The following FHOD3 variants were observed in gnomAD, a reference collection of about 807,000 sequenced individuals.
FHOD3 encodes formin homology 2 domain containing 3, also known as FH1/FH2 domain-containing protein 3.
A neutral mutation model predicts 173.0 loss-of-function variants in FHOD3; 90 were observed. That is an observed-to-expected ratio of 0.52 (90% CI 0.44 to 0.62). The LOEUF is 0.62. Ranked by LOEUF, FHOD3 falls within the 20% of genes least tolerant of loss-of-function variation. FHOD3 has a pLI of 0.00. For missense variants in FHOD3, 1,945 were observed against 2,034.7 expected (o/e 0.96, Z 0.85); for synonymous variants, 828 against 823.0 (o/e 1.01, Z -0.10).
intron 1 of FHOD3, among the ~76,000 whole-genome samples, chr18:36,301,638 A>G (rs2091958834): frequency 6.6e-6 from 1 of 152,218 alleles, no homozygotes; most frequent in Admixed American, 6.5e-5. Flanking sequence ...TAATATTTTA[A>G]AAGAAAAATG....
intron 3 of FHOD3, among the ~76,000 whole-genome samples, chr18:36,499,073 TTTTTGTTTTG>T (rs149323059): frequency 0.013 from 1,955 of 151,080 alleles, 37 homozygotes; most frequent in African/African-American, 0.041. Context: ...CCTATTGCTA[TTTTTGTTTTG>T]TTTTGTTTTG....
intron 1 of FHOD3, among the ~76,000 whole-genome samples, chr18:36,335,474 G>A (rs1409886714): frequency 2.7e-5 from 4 of 147,452 alleles, no homozygotes; most frequent in Non-Finnish European, 5.9e-5. Flanking sequence ...CAGCCTGGGC[G>A]ACAGAGCGAG....
At chr18:36,404,263 G>A (rs939386678) in intron 3 of FHOD3, among the ~76,000 whole-genome samples, 1 of 152,142 alleles carries the variant, frequency 6.6e-6, no homozygotes, top group Non-Finnish European at 1.5e-5. Flanking sequence ...CCTGCTTGGG[G>A]TGTTGGTGAC....
At chr18:36,558,656 A>G (rs987784672) in intron 5 of FHOD3, among the ~76,000 whole-genome samples, 3 of 152,236 alleles carry the variant, frequency 2.0e-5, no homozygotes, top group Non-Finnish European at 4.4e-5. Context: ...GAAGGAATCT[A>G]TGTTTATCAA....
At chr18:36,407,140 C>T (rs955856438) in intron 3 of FHOD3, among the ~76,000 whole-genome samples, 1 of 152,238 alleles carries the variant, frequency 6.6e-6, no homozygotes, top group African/African-American at 2.4e-5. Flanking sequence ...AAGGACTACT[C>T]TAGTTCCCCT....
chr18:36,553,761 T>C (rs1217311586), intron 5 of FHOD3, among the ~76,000 whole-genome samples: 1 of 152,062 alleles, frequency 6.6e-6, no homozygotes, highest in Admixed American at 6.6e-5. Context: ...ATATCCAGAA[T>C]CTACAAAGAA....
chr18:36,757,542 C>G (rs2042683638), intron 25 of FHOD3, among the ~76,000 whole-genome samples: 1 of 152,166 alleles, frequency 6.6e-6, no homozygotes, highest in Non-Finnish European at 1.5e-5. Flanking sequence ...TCACGGACCC[C>G]CTGAACGTTG....
intron 17 of FHOD3, among the ~76,000 whole-genome samples, chr18:36,708,880 C>T (rs1272934647): frequency 1.3e-5 from 2 of 152,158 alleles, no homozygotes; most frequent in African/African-American, 2.4e-5. Context: ...ACCTCCATAT[C>T]GTAAGGTCAC....
At chr18:36,452,195 T>C (rs908845875) in intron 3 of FHOD3, among the ~76,000 whole-genome samples, 1 of 152,146 alleles carries the variant, frequency 6.6e-6, no homozygotes, top group African/African-American at 2.4e-5. Flanking sequence ...CTTAAGACTT[T>C]TATTTTAAAA....
intron 3 of FHOD3, among the ~76,000 whole-genome samples, chr18:36,482,316 C>T (rs989053844): frequency 1.3e-5 from 2 of 152,052 alleles, no homozygotes; most frequent in Admixed American, 6.5e-5. Flanking sequence ...GAAAAACAGA[C>T]ACGTGCTTCT....
intron 5 of FHOD3, among the ~76,000 whole-genome samples, chr18:36,530,568 G>A (rs1331164956): frequency 6.6e-6 from 1 of 152,160 alleles, no homozygotes; most frequent in Non-Finnish European, 1.5e-5. Context: ...TCACTGCTGG[G>A]TAGTATTCCG....
intron 1 of FHOD3, among the ~76,000 whole-genome samples, chr18:36,322,603 G>T (rs1223482357): frequency 1.3e-5 from 2 of 152,140 alleles, no homozygotes; most frequent in Admixed American, 6.5e-5. Flanking sequence ...GCAAGATCCA[G>T]CCAGTCATTC....
At chr18:36,516,853 G>A (rs1219148886) in intron 5 of FHOD3, among the ~76,000 whole-genome samples, 1 of 152,238 alleles carries the variant, frequency 6.6e-6, no homozygotes, top group African/African-American at 2.4e-5. Context: ...CACCTGAGGA[G>A]CTCTGCTCTG....
chr18:36,387,482 C>T (rs1029030114), intron 3 of FHOD3, among the ~76,000 whole-genome samples: 4 of 152,100 alleles, frequency 2.6e-5, no homozygotes, highest in East Asian at 1.9e-4. Context: ...TAATGTGAGA[C>T]GTTCCCAGAT....
intron 17 of FHOD3, among the ~76,000 whole-genome samples, chr18:36,700,058 T>G (rs1397019351): frequency 6.6e-6 from 1 of 152,224 alleles, no homozygotes; most frequent in Admixed American, 6.5e-5. Context: ...ATTGTTTGGT[T>G]GCAATCCTCT....
At chr18:36,732,646 C>T (rs997407283) in intron 20 of FHOD3, among the ~76,000 whole-genome samples, 17 of 152,126 alleles carry the variant, frequency 1.1e-4, no homozygotes, top group African/African-American at 3.6e-4. Context: ...CACGGCAGAC[C>T]GGAGCAGGGG....
intron 2 of FHOD3, among the ~76,000 whole-genome samples, chr18:36,367,233 G>T (rs548909533): frequency 3.9e-5 from 6 of 152,306 alleles, no homozygotes; most frequent in Admixed American, 3.3e-4. Context: ...TGTGTCCCTG[G>T]TGCGTGTGCC....
At chr18:36,413,780 AC>A (rs536619631) in intron 3 of FHOD3, among the ~76,000 whole-genome samples, 4 of 152,290 alleles carry the variant, frequency 2.6e-5, no homozygotes, top group Non-Finnish European at 5.9e-5. Context: ...TTCCATTTTA[AC>A]CATTTTAAGT....
intron 19 of FHOD3, among the ~76,000 whole-genome samples, chr18:36,729,625 G>T (rs772356771): frequency 2.0e-5 from 3 of 152,196 alleles, no homozygotes; most frequent in African/African-American, 7.2e-5. Flanking sequence ...AGCAGAGGGA[G>T]AGAACTAGTA....
Sources: allele counts gnomAD v4.1 joint callset (sites outside exome capture counted in the v4.1 genomes callset), GRCh38; gene constraint gnomAD v4.1.1; transcripts MANE v1.5; gene names NCBI Gene and HGNC (gene_info 2026-07-23, HGNC 2026-07-21).